Variants in F13A1 observed in about 807,000 individuals in gnomAD.
F13A1 encodes coagulation factor XIII A chain.
Under a neutral mutation model 80.1 loss-of-function variants are expected in F13A1, and 47 were observed. That is an observed-to-expected ratio of 0.59 (90% CI 0.46 to 0.75). The LOEUF is 0.75. F13A1 is among the 30% of genes least tolerant of loss of function. The pLI, the probability that F13A1 is intolerant of heterozygous loss-of-function variation, is 0.00. For synonymous variants in F13A1, 349 were observed against 344.9 expected (o/e 1.01, Z -0.13); for missense variants, 817 against 930.4 (o/e 0.88, Z 1.59).
intron 6 of F13A1, among the ~76,000 whole-genome samples, chr6:6,245,068 T>A (rs1030134662): frequency 9.2e-5 from 14 of 152,172 alleles, no homozygotes; most frequent in African/African-American, 3.4e-4. Context: ...GTTTGAGTTG[T>A]CACAACTGGT....
chr6:6,278,426 G>T (rs1466586855), intron 3 of F13A1, among the ~76,000 whole-genome samples: 1 of 152,214 alleles, frequency 6.6e-6, no homozygotes, highest in African/African-American at 2.4e-5. Flanking sequence ...CAGGGGACAG[G>T]TGTCATCAGT....
At chr6:6,258,873 TA>T (rs1365728821) in intron 4 of F13A1, among the ~76,000 whole-genome samples, 1 of 152,226 alleles carries the variant, frequency 6.6e-6, no homozygotes, top group African/African-American at 2.4e-5. Context: ...GGTGCAAAGC[TA>T]AGCCACTGGC....
In F13A1 at chr6:6,224,644, T is replaced by G. The variant is rs896451071; in HGVS notation, c.973+42A>C. ...ATAGAAAAAATGTCTTAGAGTGAAGTTTCCTTTATATTAAAAAGAAATTAC... is the reference window on the plus strand; with the variant it reads ...ATAGAAAAAATGTCTTAGAGTGAAGGTTCCTTTATATTAAAAAGAAATTAC... On this transcript the variant is annotated intron_variant, in intron 7 of 14. Coordinates refer to ENST00000264870, the MANE Select transcript of F13A1 (RefSeq NM_000129.4). 10 of 1,585,326 alleles carry G rather than the reference T, an allele frequency of 6.3e-6. No individual in the cohort carries two copies. The African/African-American group carries it at 1.3e-4, about 21-fold the overall frequency.
At chr6:6,190,506 G>T (rs1315513724) in intron 10 of F13A1, among the ~76,000 whole-genome samples, 11 of 150,266 alleles carry the variant, frequency 7.3e-5, no homozygotes, top group African/African-American at 2.2e-4. Context: ...GTGTTCCCCT[G>T]CTGGGGGGTG....
At chr6:6,178,979 A>T (rs559318396) in intron 11 of F13A1, among the ~76,000 whole-genome samples, 1 of 152,320 alleles carries the variant, frequency 6.6e-6, no homozygotes, top group East Asian at 1.9e-4. Flanking sequence ...GCGCGGAAGG[A>T]GTGGAGAAGG....
At position 6,212,900 on chromosome 6, in the gene F13A1, G is replaced by A. The variant is rs1344991578; in HGVS notation, c.1112+9133C>T. Among the ~76,000 whole-genome samples, 21 of 152,270 alleles carry A rather than the reference G, an allele frequency of 1.4e-4. No homozygotes were observed. In the East Asian group the frequency reaches 1.7e-3, roughly 13 times the overall value. ...GAAGAATGCAGAAGCCTCAGGAGCCGATGCGATCAACTGGAAGAAAGGGTA... is the reference window on the plus strand; with the variant it reads ...GAAGAATGCAGAAGCCTCAGGAGCCAATGCGATCAACTGGAAGAAAGGGTA... On this transcript the variant is annotated intron_variant, in intron 8 of 14. Coordinates refer to ENST00000264870, the MANE Select transcript of F13A1 (RefSeq NM_000129.4).
chr6:6,167,663 C>G, intron 12 of F13A1, 45 bp from the exon 13 acceptor site: 4 of 1,605,802 alleles, frequency 2.5e-6, no homozygotes, highest in Non-Finnish European at 3.4e-6. Context: ...AGACTTGAGA[C>G]AGGGTCTGCT....
At chr6:6,177,616 G>A (rs1023012423) in intron 11 of F13A1, among the ~76,000 whole-genome samples, 6 of 152,360 alleles carry the variant, frequency 3.9e-5, no homozygotes, top group African/African-American at 1.2e-4. Flanking sequence ...GCCTAGCTGT[G>A]AAAGTGCCTC....
intron 10 of F13A1, among the ~76,000 whole-genome samples, chr6:6,186,410 G>A (rs1307788001): frequency 6.6e-6 from 1 of 152,172 alleles, no homozygotes; most frequent in African/African-American, 2.4e-5. Flanking sequence ...TAAGGTGTAA[G>A]GAAGGGATCC....
intron 2 of F13A1, among the ~76,000 whole-genome samples, chr6:6,307,382 A>G (rs372280203): frequency 3.9e-4 from 59 of 152,176 alleles, no homozygotes; most frequent in African/African-American, 1.4e-3. Flanking sequence ...AATTCTCTAG[A>G]CCTCTCTATT....
intron 12 of F13A1, 120 bp from the exon 13 acceptor site, chr6:6,167,738 A>C: frequency 1.8e-6 from 2 of 1,085,276 alleles, no homozygotes; most frequent in Non-Finnish European, 2.7e-6. Flanking sequence ...AACACAGCAA[A>C]GGTAAGGGGC....
intron 11 of F13A1, among the ~76,000 whole-genome samples, chr6:6,179,386 T>G (rs1283897021): frequency 1.3e-5 from 2 of 152,254 alleles, no homozygotes; most frequent in African/African-American, 2.4e-5. Context: ...AGTTAAGTCC[T>G]AAATCTAGTA....
rs1561686880 is a variant in F13A1, at chr6:6,308,460, G to GAAAA, written c.131-2922_131-2921insTTTT. Among the ~76,000 whole-genome samples, 640 of 95,752 alleles carry GAAAA rather than the reference G, an allele frequency of 6.7e-3. 8 individuals carry two copies. The highest frequency in any genetic ancestry group is 0.052 in the Admixed American group (495 of 9,606). 62.8% of individuals were successfully genotyped at this position (95,752 alleles called of 152,430 possible). A position where few individuals can be genotyped will look rare whatever the true frequency, so the allele number is the denominator to read the frequency against. On this transcript the variant is annotated intron_variant, in intron 2 of 14. Transcript: ENST00000264870. ...ACATTACTCTAGTTGTGGTTTTTCT[G>GAAAA]TAAAAAAAAAAAAAAGAGACCATTA...
In F13A1 at chr6:6,147,303, TAAA is replaced by T. The variant is rs567837553; in HGVS notation, c.2046-1534_2046-1532del. Among the ~76,000 whole-genome samples the T allele has an allele frequency of 3.2e-3, 492 of 152,084 alleles. 4 individuals are homozygous for T. The highest frequency in any genetic ancestry group is 0.011 in the African/African-American group (454 of 41,516). On this transcript the variant is annotated intron_variant, in intron 14 of 14. Coordinates refer to ENST00000264870, the MANE Select transcript of F13A1 (RefSeq NM_000129.4). The stretch of plus-strand genomic sequence containing the variant: ...ACTGTTCCCCAAAAACCTATAGAAA[TAAA>T]AAAAGAAAAGAAGAAAAGGCTTTTT...
chr6:6,248,041 C>T (rs1158843464), intron 6 of F13A1, among the ~76,000 whole-genome samples: 1 of 152,184 alleles, frequency 6.6e-6, no homozygotes, highest in Non-Finnish European at 1.5e-5. Context: ...GCAAGGGGTT[C>T]TTAAGAATAA....
intron 3 of F13A1, among the ~76,000 whole-genome samples, chr6:6,275,672 G>T (rs1757979155): frequency 6.6e-6 from 1 of 152,156 alleles, no homozygotes; most frequent in South Asian, 2.1e-4. Context: ...CCTGGCCCTA[G>T]GCACTGTTTT....
At chr6:6,269,524 T>C (rs1757892479) in intron 3 of F13A1, among the ~76,000 whole-genome samples, 1 of 152,142 alleles carries the variant, frequency 6.6e-6, no homozygotes, top group Non-Finnish European at 1.5e-5. Context: ...TGCCATTTAT[T>C]AGTAACCAAA....
At chr6:6,309,158 G>C (rs1319992281) in intron 2 of F13A1, among the ~76,000 whole-genome samples, 1 of 152,118 alleles carries the variant, frequency 6.6e-6, no homozygotes, top group Non-Finnish European at 1.5e-5. Flanking sequence ...TGTTATAAGT[G>C]TGCTATTTTA....
At chr6:6,195,684 C>T (rs192719180) in intron 10 of F13A1, 113 bp downstream of exon 10, 224 of 890,434 alleles carry the variant, frequency 2.5e-4, no homozygotes, top group Non-Finnish European at 3.7e-4. Flanking sequence ...TTTGTCAACA[C>T]GAAGCATACG....
Sources: gnomAD v4.1 joint callset for allele counts (sites outside exome capture counted in the v4.1 genomes callset) on GRCh38, gnomAD v4.1.1 for gene constraint, MANE v1.5 for transcripts, NCBI Gene and HGNC (gene_info 2026-07-23, HGNC 2026-07-21) for gene names.